The following SRFBP1 variants were observed in gnomAD, a reference collection of about 807,000 sequenced individuals.
SRFBP1 encodes the protein serum response factor-binding protein 1.
Under a neutral mutation model 45.5 loss-of-function variants are expected in SRFBP1, and 47 were observed. The observed-to-expected ratio is 1.03, with a 90% CI of 0.82 to 1.32. The LOEUF (loss-of-function observed/expected upper bound fraction) is 1.32, where lower values mean the gene tolerates loss of function less well. SRFBP1 is among the 40% of genes most tolerant of loss of function. The pLI is 0.00. For synonymous variants in SRFBP1, 203 were observed against 166.3 expected, an observed-to-expected ratio of 1.22 and a Z score of -1.70; for missense variants, 621 against 484.6, an observed-to-expected ratio of 1.28 and a Z score of -2.64.
intron 1 of SRFBP1, among the ~76,000 whole-genome samples, chr5:121,962,346 G>A (rs1751966164): frequency 6.6e-6 from 1 of 152,216 alleles, no homozygotes; most frequent in Non-Finnish European, 1.5e-5. Context: ...CGTCTGTAAA[G>A]CGGAACTCAA....
intron 2 of SRFBP1, among the ~76,000 whole-genome samples, chr5:122,045,421 A>G (rs374992233): frequency 2.0e-5 from 3 of 152,312 alleles, no homozygotes; most frequent in Admixed American, 1.3e-4. Flanking sequence ...TAAGAATAGT[A>G]CTGAATCTGT....
downstream of SRFBP1, chr5:122,076,982 G>T (rs1254394102): frequency 5.0e-6 from 8 of 1,613,672 alleles, no homozygotes; most frequent in Non-Finnish European, 5.1e-6. Flanking sequence ...AGTAGGGGTC[G>T]GCCACCAGGT....
At chr5:121,984,847 C>T (rs1398381714) in intron 3 of SRFBP1, among the ~76,000 whole-genome samples, 2 of 151,798 alleles carry the variant, frequency 1.3e-5, no homozygotes, top group Non-Finnish European at 3.0e-5. Context: ...GTCCAGATTG[C>T]ATTGTGACTT....
chr5:122,050,470 G>A (rs186019125), intron 2 of SRFBP1, among the ~76,000 whole-genome samples: 3 of 152,234 alleles, frequency 2.0e-5, no homozygotes, highest in Non-Finnish European at 1.5e-5. Context: ...ACAATTTCAG[G>A]AGGTTGTATG....
downstream of SRFBP1, among the ~76,000 whole-genome samples, chr5:122,030,857 T>C (rs1753579381): frequency 6.6e-6 from 1 of 152,190 alleles, no homozygotes; most frequent in African/African-American, 2.4e-5. Context: ...ACCTTACACA[T>C]AAATAGTTCA....
downstream of SRFBP1, chr5:122,077,283 C>G: frequency 6.3e-7 from 1 of 1,595,352 alleles, no homozygotes; most frequent in Non-Finnish European, 8.5e-7. The surrounding 1 kb of genome is among the most constrained non-coding windows in gnomAD (Gnocchi z 4.9). Context: ...CGCGCCCAGG[C>G]AGCCACGTCG....
At chr5:121,970,327 A>G (rs1425670836) in intron 1 of SRFBP1, among the ~76,000 whole-genome samples, 1 of 152,106 alleles carries the variant, frequency 6.6e-6, no homozygotes, top group Non-Finnish European at 1.5e-5. Context: ...CCAAGGACCA[A>G]CTCTACCCAC....
At chr5:122,045,093 T>G (rs1368748022) in intron 2 of SRFBP1, among the ~76,000 whole-genome samples, 1 of 152,150 alleles carries the variant, frequency 6.6e-6, no homozygotes, top group Non-Finnish European at 1.5e-5. Context: ...CCCATCATCC[T>G]AGCACCATTT....
At chr5:122,057,928 C>T (rs1754111210) in intron 2 of SRFBP1, among the ~76,000 whole-genome samples, 1 of 152,132 alleles carries the variant, frequency 6.6e-6, no homozygotes, top group African/African-American at 2.4e-5. Flanking sequence ...ATTCTCCCTC[C>T]TCAGCCTCCC....
chr5:122,017,963 A>G (rs1015295443), intron 4 of SRFBP1, among the ~76,000 whole-genome samples: 8 of 152,220 alleles, frequency 5.3e-5, no homozygotes, highest in African/African-American at 1.9e-4. Context: ...TGAGGCAAAC[A>G]AAGTCTCTGC....
At chr5:121,981,196 GAC>G (rs1463347769) in intron 3 of SRFBP1, among the ~76,000 whole-genome samples, 1 of 151,818 alleles carries the variant, frequency 6.6e-6, no homozygotes, top group African/African-American at 2.4e-5. Context: ...AGGGCCTCAA[GAC>G]ACACTAAAAT....
At chr5:122,022,959 A>G (rs574673967) in intron 7 of SRFBP1, among the ~76,000 whole-genome samples, 1 of 152,328 alleles carries the variant, frequency 6.6e-6, no homozygotes, top group African/African-American at 2.4e-5. Flanking sequence ...TAGTCATTCA[A>G]GGATCAGGCT....
intron 2 of SRFBP1, chr5:122,074,234 A>C: frequency 7.2e-7 from 1 of 1,387,024 alleles, no homozygotes; most frequent in Non-Finnish European, 1.0e-6. Flanking sequence ...GAAGATATTA[A>C]ATGACTTCCC....
At chr5:121,999,372 G>A (rs1016890999) in intron 4 of SRFBP1, among the ~76,000 whole-genome samples, 3 of 151,734 alleles carry the variant, frequency 2.0e-5, no homozygotes, top group African/African-American at 7.3e-5. Context: ...TGTACTATTT[G>A]TTATAGTCCA....
intron 2 of SRFBP1, among the ~76,000 whole-genome samples, chr5:122,062,502 T>C (rs1296975158): frequency 6.6e-6 from 1 of 152,178 alleles, no homozygotes; most frequent in East Asian, 1.9e-4. Flanking sequence ...TGAAACACTG[T>C]ATGCTGATGA....
At chr5:122,023,176 T>C (rs924964435) in intron 7 of SRFBP1, among the ~76,000 whole-genome samples, 2 of 152,206 alleles carry the variant, frequency 1.3e-5, no homozygotes, top group East Asian at 3.9e-4. Flanking sequence ...GCAGTCTTAC[T>C]ATATATCTAG....
intron 1 of SRFBP1, among the ~76,000 whole-genome samples, chr5:121,969,378 AT>A (rs1164015393): frequency 6.6e-6 from 1 of 151,954 alleles, no homozygotes; most frequent in Non-Finnish European, 1.5e-5. Context: ...TCCAGAACAG[AT>A]TAGATTTCTC....
chr5:122,029,505 G>A (rs143949671), downstream of SRFBP1, among the ~76,000 whole-genome samples: 398 of 152,230 alleles, frequency 2.6e-3, 2 homozygotes, highest in African/African-American at 9.2e-3. Context: ...CTTCTACAGA[G>A]CTTTGGAGCA....
downstream of SRFBP1, among the ~76,000 whole-genome samples, chr5:122,029,216 T>C (rs1753553330): frequency 6.6e-6 from 1 of 151,970 alleles, no homozygotes; most frequent in South Asian, 2.1e-4. Context: ...AAAAAAGAAT[T>C]TTATAGCCCA....
Sources: gnomAD v4.1 joint callset for allele counts (sites outside exome capture counted in the v4.1 genomes callset) on GRCh38, gnomAD v4.1.1 for gene constraint, Gnocchi (gnomAD v3.1) non-coding constraint, MANE v1.5 for transcripts, NCBI Gene and HGNC (gene_info 2026-07-23, HGNC 2026-07-21) for gene names.